The following PCDH9 variants were observed in gnomAD, a reference collection of about 807,000 sequenced individuals.
PCDH9 encodes the protein protocadherin-9.
A neutral mutation model predicts 70.6 loss-of-function variants in PCDH9; 24 were observed. That is an observed-to-expected ratio of 0.34 (90% confidence interval 0.25 to 0.48). PCDH9 has a LOEUF of 0.48. Ranked by LOEUF, PCDH9 falls within the 20% of genes least tolerant of loss-of-function variation. The pLI is 0.99. For missense variants in PCDH9, 1,281 were observed against 1,503.6 expected, an observed-to-expected ratio of 0.85 and a Z score of 2.45; for synonymous variants, 562 against 558.5, an observed-to-expected ratio of 1.01 and a Z score of -0.09.
intron 2 of PCDH9, among the ~76,000 whole-genome samples, chr13:67,060,495 C>G (rs763285641): frequency 1.3e-5 from 2 of 152,000 alleles, no homozygotes; most frequent in Non-Finnish European, 2.9e-5. Context: ...TTGTTCTCAC[C>G]TGTCATACCT....
At chr13:66,356,335 A>T (rs553814085) in intron 4 of PCDH9, among the ~76,000 whole-genome samples, 117 of 152,112 alleles carry the variant, frequency 7.7e-4, no homozygotes, top group Non-Finnish European at 1.4e-3. Flanking sequence ...CACTCTCTAA[A>T]TAAATCTGCC....
At chr13:66,904,120 C>T (rs752143801) in intron 2 of PCDH9, among the ~76,000 whole-genome samples, 1 of 151,744 alleles carries the variant, frequency 6.6e-6, no homozygotes, top group Non-Finnish European at 1.5e-5. Context: ...ATAAGTGATA[C>T]ATTTGAAATA....
Position 66,531,283 on chromosome 13 carries a change from C to G in PCDH9, c.3340+99927G>C, listed in dbSNP as rs75564114. ...CTCCACTTTTGCATTTATTTTGAGA[C>G]TGGGAGGATGCATCGCTTTATTCCT... On this transcript the variant is annotated intron_variant, in intron 4 of 4. Transcript: ENST00000377865. Among the ~76,000 whole-genome samples the G allele has an allele frequency of 2.4e-3, 360 of 152,084 alleles. 2 individuals are homozygous for G. The highest frequency in any genetic ancestry group is 7.9e-3 in the African/African-American group (326 of 41,518).
At chr13:66,714,649 A>G (rs1415893620) in intron 3 of PCDH9, among the ~76,000 whole-genome samples, 1 of 152,142 alleles carries the variant, frequency 6.6e-6, no homozygotes, top group Non-Finnish European at 1.5e-5. Context: ...TTATTAAACT[A>G]TGAGTTAAGT....
At chr13:67,186,891 A>T (rs1290333885) in intron 2 of PCDH9, among the ~76,000 whole-genome samples, 1 of 152,202 alleles carries the variant, frequency 6.6e-6, no homozygotes, top group Non-Finnish European at 1.5e-5. Flanking sequence ...TCTACAAAAA[A>T]GACAGTATTA....
At chr13:66,724,583 A>C (rs576073277) in intron 3 of PCDH9, among the ~76,000 whole-genome samples, 111 of 152,244 alleles carry the variant, frequency 7.3e-4, no homozygotes, top group Non-Finnish European at 1.2e-3. Context: ...GCCAAACCAC[A>C]ATCTCTGCAG....
intron 3 of PCDH9, among the ~76,000 whole-genome samples, chr13:66,875,440 C>A (rs914036285): frequency 1.3e-5 from 2 of 152,190 alleles, no homozygotes; most frequent in Admixed American, 1.3e-4. Flanking sequence ...GTTAGGTAAA[C>A]ATCAACACGT....
At chr13:66,645,465 CT>C (rs1204093784) in intron 3 of PCDH9, among the ~76,000 whole-genome samples, 1 of 152,080 alleles carries the variant, frequency 6.6e-6, no homozygotes, top group African/African-American at 2.4e-5. Flanking sequence ...AGTTTCCAAA[CT>C]GCATGCGAGA....
intron 4 of PCDH9, among the ~76,000 whole-genome samples, chr13:66,561,522 A>G (rs1353119131): frequency 6.6e-6 from 1 of 152,180 alleles, no homozygotes; most frequent in Non-Finnish European, 1.5e-5. Context: ...CTTTATGTCT[A>G]GCTAAGAGAT....
intron 2 of PCDH9, among the ~76,000 whole-genome samples, chr13:66,939,573 A>G (rs1335953354): frequency 6.6e-6 from 1 of 151,866 alleles, no homozygotes; most frequent in Non-Finnish European, 1.5e-5. Flanking sequence ...AGTAGCTGGG[A>G]TTACAGGTGG....
chr13:66,511,223 T>G (rs1959453409), intron 4 of PCDH9, among the ~76,000 whole-genome samples: 1 of 152,280 alleles, frequency 6.6e-6, no homozygotes, highest in Non-Finnish European at 1.5e-5. Context: ...TACAAAAATT[T>G]TTATATTAGT....
chr13:66,701,052 T>G lies in PCDH9; in HGVS notation c.3139-69641A>C, dbSNP rs954284518. 2.5e-4 allele frequency among the ~76,000 whole-genome samples: 37 copies of G among 149,350 alleles called. 2 individuals are homozygous for G. Among genetic ancestry groups the G allele is most frequent in the Admixed American group, 6.7e-5 (1 of 14,934 alleles). On this transcript the variant is annotated intron_variant, in intron 3 of 4. Coordinates refer to ENST00000377865, the MANE Select transcript of PCDH9 (RefSeq NM_203487.3). The stretch of plus-strand genomic sequence containing the variant: ...TTCAAGGTTTTAACAGAATTCTGTT[T>G]TTAAGTTAAGTTTTCTCTGGAATGA...
chr13:66,730,067 T>A (rs1265978221), intron 3 of PCDH9, among the ~76,000 whole-genome samples: 1 of 152,204 alleles, frequency 6.6e-6, no homozygotes. Context: ...CCATCTACAG[T>A]GGGCCTATAG....
chr13:67,177,889 A>G (rs2082466874), intron 2 of PCDH9, among the ~76,000 whole-genome samples: 2 of 152,180 alleles, frequency 1.3e-5, no homozygotes, highest in African/African-American at 2.4e-5. Flanking sequence ...TGATGACTAC[A>G]CAATTTTTTT....
chr13:66,784,495 T>G (rs2080049052), intron 3 of PCDH9, among the ~76,000 whole-genome samples: 1 of 152,128 alleles, frequency 6.6e-6, no homozygotes, highest in African/African-American at 2.4e-5. Context: ...GGACCACCCA[T>G]CTTCAGACTT....
At chr13:66,981,980 G>A (rs2083780997) in intron 2 of PCDH9, among the ~76,000 whole-genome samples, 1 of 152,114 alleles carries the variant, frequency 6.6e-6, no homozygotes, top group South Asian at 2.1e-4. Context: ...ATGTTGAATT[G>A]TAATCACCAA....
At chr13:67,152,624 A>G (rs762267560) in intron 2 of PCDH9, among the ~76,000 whole-genome samples, 1 of 152,230 alleles carries the variant, frequency 6.6e-6, no homozygotes, top group African/African-American at 2.4e-5. Context: ...AGGAAGGAAT[A>G]TAAAGCTTGT....
In PCDH9 at chr13:66,408,729, C is replaced by CT. The variant is rs970630146; in HGVS notation, c.3341-103702dup. On this transcript the variant is annotated intron_variant, in intron 4 of 4. Transcript: ENST00000377865. Reference sequence around the variant, plus strand: ...TCTTTTTGTCCTTTTCTTCTTCTGCCTTTTTTTTTTCAAATAATAATTATG... The same window carrying CT: ...TCTTTTTGTCCTTTTCTTCTTCTGCCTTTTTTTTTTTCAAATAATAATTATG... Among the ~76,000 whole-genome samples the CT allele has an allele frequency of 1.4e-3, 203 of 147,682 alleles. 2 individuals are homozygous for CT. The highest frequency in any genetic ancestry group is 6.9e-3 in the Middle Eastern group (2 of 288).
At chr13:66,316,879 C>G (rs762377864) in intron 4 of PCDH9, among the ~76,000 whole-genome samples, 1 of 152,054 alleles carries the variant, frequency 6.6e-6, no homozygotes, top group Non-Finnish European at 1.5e-5. Flanking sequence ...CGCACAACAA[C>G]GCCTGGCTAA....
Sources: allele counts gnomAD v4.1 joint callset (sites outside exome capture counted in the v4.1 genomes callset), GRCh38; gene constraint gnomAD v4.1.1; transcripts MANE v1.5; gene names NCBI Gene and HGNC (gene_info 2026-07-23, HGNC 2026-07-21).